DOK5: variants seen among roughly 807,000 people sequenced by gnomAD.
DOK5 encodes the protein docking protein 5.
Under a neutral mutation model 43.3 loss-of-function variants are expected in DOK5, and 27 were observed. The observed-to-expected ratio is 0.62, with a 90% CI of 0.46 to 0.86. The LOEUF is 0.86. Ranked by LOEUF, DOK5 falls within the 40% of genes least tolerant of loss-of-function variation. The pLI, the probability that DOK5 is intolerant of heterozygous loss-of-function variation, is 0.00. For synonymous variants in DOK5, 146 were observed against 140.1 expected (o/e 1.04, Z -0.30); for missense variants, 373 against 392.9 (o/e 0.95, Z 0.43).
At chr20:54,542,517 G>A (rs536965956) in intron 1 of DOK5, among the ~76,000 whole-genome samples, 165 of 152,298 alleles carry the variant, frequency 1.1e-3, no homozygotes, top group Middle Eastern at 6.8e-3. Flanking sequence ...CTGTTTTAGC[G>A]CTTGCTTGGT....
At chr20:54,510,257 T>C (rs959899268) in intron 1 of DOK5, among the ~76,000 whole-genome samples, 9 of 152,222 alleles carry the variant, frequency 5.9e-5, no homozygotes, top group African/African-American at 2.2e-4. Flanking sequence ...AAACTCACCC[T>C]AGAAGGGGCT....
rs6098121 is a variant in DOK5, at chr20:54,617,757, G to T, written c.735+7234G>T. Reference sequence around the variant, plus strand: ...GTCCCCTGCACTGTGAAACTTTCTGGAATAATATTTACTTAGTGGTTTGAT... The same window carrying T: ...GTCCCCTGCACTGTGAAACTTTCTGTAATAATATTTACTTAGTGGTTTGAT... On this transcript the variant is annotated intron_variant, in intron 6 of 7. Coordinates refer to ENST00000262593, the MANE Select transcript of DOK5 (RefSeq NM_018431.5). Among the ~76,000 whole-genome samples, 1,231 of 152,206 alleles carry T rather than the reference G, an allele frequency of 8.1e-3. 18 individuals carry two copies. Among genetic ancestry groups the T allele is most frequent in the African/African-American group, 0.028 (1,177 of 41,506 alleles).
At chr20:54,577,837 C>G (rs533343873) in intron 2 of DOK5, among the ~76,000 whole-genome samples, 1 of 152,292 alleles carries the variant, frequency 6.6e-6, no homozygotes, top group African/African-American at 2.4e-5. Context: ...GAGGGAGGGA[C>G]TGACCTAATT....
At chr20:54,625,987 C>T (rs573739880) in intron 6 of DOK5, among the ~76,000 whole-genome samples, 1 of 152,262 alleles carries the variant, frequency 6.6e-6, no homozygotes, top group Admixed American at 6.5e-5. Flanking sequence ...AACGCTGCTG[C>T]GAGGAGGGTC....
chr20:54,547,163 C>A (rs1205224040), intron 1 of DOK5, among the ~76,000 whole-genome samples: 2 of 152,160 alleles, frequency 1.3e-5, no homozygotes, highest in African/African-American at 2.4e-5. Flanking sequence ...TGGAAGGTAT[C>A]CACACTCATT....
intron 1 of DOK5, among the ~76,000 whole-genome samples, chr20:54,533,207 C>G (rs1983840390): frequency 6.6e-6 from 1 of 152,190 alleles, no homozygotes; most frequent in African/African-American, 2.4e-5. Flanking sequence ...TTGCCTGCAT[C>G]CCTGGTCCCT....
chr20:54,623,522 C>T (rs1359441380), intron 6 of DOK5, among the ~76,000 whole-genome samples: 5 of 152,152 alleles, frequency 3.3e-5, no homozygotes, highest in Admixed American at 6.5e-5. Context: ...GGCAACGAGA[C>T]GAGGCATAGT....
chr20:54,497,281 A>G (rs1408064621), intron 1 of DOK5, among the ~76,000 whole-genome samples: 1 of 152,192 alleles, frequency 6.6e-6, no homozygotes, highest in African/African-American at 2.4e-5. Context: ...AATATTACAA[A>G]CCCGAATGTA....
intron 1 of DOK5, among the ~76,000 whole-genome samples, chr20:54,521,029 T>C (rs1023318297): frequency 1.6e-4 from 24 of 152,032 alleles, no homozygotes; most frequent in African/African-American, 5.8e-4. Context: ...CTTTCCCTGC[T>C]TGTGGCTCGG....
chr20:54,554,977 A>G lies in DOK5; in HGVS notation c.111A>G (p.Lys37=). Residue 37 remains lysine, a synonymous_variant, in exon 2 of 8, where the codon AAA becomes AAG. Coordinates refer to ENST00000262593, the MANE Select transcript of DOK5 (RefSeq NM_018431.5). ...CWLVFKKASS[K]GPKRLEKFSD... is the part of the protein sequence containing the mutation. ...TAGTATTCAAGAAAGCTTCAAGCAA[A>G]GGTCCAAAAAGACTGGAGAAATTTT... 2 of 1,614,026 alleles carry G rather than the reference A, an allele frequency of 1.2e-6. No individual in the cohort carries two copies. The highest frequency in any genetic ancestry group is 1.7e-6 in the Non-Finnish European group (2 of 1,179,908).
chr20:54,601,765 A>G (rs1462921978), intron 5 of DOK5, among the ~76,000 whole-genome samples: 28 of 152,208 alleles, frequency 1.8e-4, no homozygotes, highest in Admixed American at 1.8e-3. Flanking sequence ...AGGAAGCTTT[A>G]TATCTCATAA....
chr20:54,571,635 G>C (rs185865022), intron 2 of DOK5, among the ~76,000 whole-genome samples: 51 of 152,234 alleles, frequency 3.4e-4, no homozygotes, highest in South Asian at 2.1e-4. Flanking sequence ...TCTGGGGAAG[G>C]GGGGTGGGCA....
intron 1 of DOK5, among the ~76,000 whole-genome samples, chr20:54,510,381 G>A (rs569537879): frequency 6.6e-6 from 1 of 151,994 alleles, no homozygotes; most frequent in African/African-American, 2.4e-5. Flanking sequence ...CTTTGTACTT[G>A]TACAGTTTTT....
In DOK5 at chr20:54,475,676, G is replaced by A. The variant is rs1981387675; in HGVS notation, c.-271G>A. The A allele has an allele frequency of 1.9e-6, 1 of 526,638 alleles. No homozygotes were observed. Among genetic ancestry groups the A allele is most frequent in the Non-Finnish European group, 3.4e-6 (1 of 296,606 alleles). 32.6% of individuals were successfully genotyped at this position (526,638 alleles called of 1,614,324 possible). A position where few individuals can be genotyped will look rare whatever the true frequency, so the allele number is the denominator to read the frequency against. The stretch of plus-strand genomic sequence containing the variant: ...CTCCTCCTCCTGGCAGGCCGGCCGC[G>A]GAGTCAGCTGACGCCGGCGCTCCAG... On this transcript the variant is annotated 5_prime_UTR_variant, in exon 1 of 8. Transcript: ENST00000262593. This position sits in a 1 kb window ranked among gnomAD's most constrained non-coding sequence, Gnocchi z 4.2.
intron 5 of DOK5, among the ~76,000 whole-genome samples, chr20:54,592,776 C>T (rs1220034294): frequency 6.6e-6 from 1 of 152,130 alleles, no homozygotes; most frequent in Non-Finnish European, 1.5e-5. Flanking sequence ...CTCCTGACCT[C>T]GCGCTTCGGC....
intron 1 of DOK5, among the ~76,000 whole-genome samples, chr20:54,540,433 A>G (rs1984112814): frequency 6.6e-6 from 1 of 152,242 alleles, no homozygotes; most frequent in Non-Finnish European, 1.5e-5. Flanking sequence ...CCTTGTTTGC[A>G]TGCAAATCAC....
chr20:54,603,881 G>T (rs1986376556), intron 5 of DOK5, among the ~76,000 whole-genome samples: 1 of 150,872 alleles, frequency 6.6e-6, no homozygotes, highest in African/African-American at 2.5e-5. Context: ...TAGTGTTGTT[G>T]GCCTTGCTAT....
intron 1 of DOK5, among the ~76,000 whole-genome samples, chr20:54,551,491 A>G (rs1449719009): frequency 2.0e-5 from 3 of 152,044 alleles, no homozygotes; most frequent in Non-Finnish European, 4.4e-5. Context: ...GATCTCATGC[A>G]TTTTCTTTTT....
chr20:54,608,694 G>A (rs1231009905), intron 5 of DOK5, among the ~76,000 whole-genome samples: 2 of 147,348 alleles, frequency 1.4e-5, no homozygotes, highest in African/African-American at 5.0e-5. Flanking sequence ...GTGGGGGGAT[G>A]GCACCTCTCT....
Sources: allele counts gnomAD v4.1 joint callset (sites outside exome capture counted in the v4.1 genomes callset), GRCh38; gene constraint gnomAD v4.1.1; non-coding constraint Gnocchi (gnomAD v3.1); transcripts MANE v1.5; gene names NCBI Gene and HGNC (gene_info 2026-07-23, HGNC 2026-07-21).